The following ANK1 variants were observed in gnomAD, a reference collection of about 807,000 sequenced individuals.
ANK1 encodes ankyrin 1.
A neutral mutation model predicts 210.4 loss-of-function variants in ANK1; 51 were observed. The observed-to-expected ratio is 0.24, with a 90% CI of 0.19 to 0.31. The LOEUF is 0.31. ANK1 is among the 10% of genes least tolerant of loss of function. ANK1 has a pLI of 1.00. For missense variants in ANK1, 2,051 were observed against 2,504.4 expected, an observed-to-expected ratio of 0.82 and a Z score of 3.86; for synonymous variants, 967 against 1,025.9, an observed-to-expected ratio of 0.94 and a Z score of 1.10.
intron 2 of ANK1, among the ~76,000 whole-genome samples, chr8:41,756,132 ATTTATTTATTTAT>A (rs1031946748): frequency 1.2e-4 from 18 of 151,994 alleles, no homozygotes; most frequent in African/African-American, 3.9e-4. Context: ...CATTTTATTT[ATTTATTTATTTAT>A]TTTATTTATT....
At chr8:41,748,656 G>A (rs1348467117) in intron 2 of ANK1, among the ~76,000 whole-genome samples, 2 of 152,158 alleles carry the variant, frequency 1.3e-5, no homozygotes, top group Non-Finnish European at 2.9e-5. Flanking sequence ...ACTACCCTTA[G>A]ACAAGAAACG....
At chr8:41,772,633 C>T (rs1843162245) in intron 1 of ANK1, among the ~76,000 whole-genome samples, 1 of 152,240 alleles carries the variant, frequency 6.6e-6, no homozygotes, top group African/African-American at 2.4e-5. Context: ...CTTGGGCTTA[C>T]AATGCACCCT....
intron 2 of ANK1, among the ~76,000 whole-genome samples, chr8:41,739,385 CTAGA>C (rs1231487872): frequency 1.3e-5 from 2 of 152,138 alleles, no homozygotes; most frequent in East Asian, 3.9e-4. Context: ...ACTTTTCCCA[CTAGA>C]TACTTTAACA....
chr8:41,858,834 C>G (rs1230375046), intron 1 of ANK1, among the ~76,000 whole-genome samples: 1 of 152,192 alleles, frequency 6.6e-6, no homozygotes, highest in Non-Finnish European at 1.5e-5. Flanking sequence ...TGGCAGGGAG[C>G]TTAATAAATC....
At chr8:41,803,709 T>G (rs558246685) in intron 1 of ANK1, among the ~76,000 whole-genome samples, 1 of 152,046 alleles carries the variant, frequency 6.6e-6, no homozygotes, top group South Asian at 2.1e-4. Flanking sequence ...TGAATATCTT[T>G]TTATTAGTTA....
intron 1 of ANK1, among the ~76,000 whole-genome samples, chr8:41,781,696 C>T (rs1586906242): frequency 1.3e-5 from 2 of 152,196 alleles, no homozygotes; most frequent in South Asian, 4.1e-4. Context: ...ACAGATGGCT[C>T]CTCCCTGCCC....
intron 1 of ANK1, among the ~76,000 whole-genome samples, chr8:41,773,974 T>C (rs1843491451): frequency 6.6e-6 from 1 of 152,242 alleles, no homozygotes; most frequent in Non-Finnish European, 1.5e-5. Context: ...GCGAACAGAA[T>C]GTTTTATGTA....
At position 41,707,706 on chromosome 8, in the gene ANK1, C is replaced by A. The variant is rs565757772; in HGVS notation, c.1998+1072G>T. 7.2e-5 allele frequency among the ~76,000 whole-genome samples: 11 copies of A among 152,290 alleles called. No homozygotes were observed. The East Asian group carries it at 1.5e-3, about 21-fold the overall frequency. On this transcript the variant is annotated intron_variant, in intron 17 of 42. Coordinates refer to ENST00000289734, the MANE Select transcript of ANK1 (RefSeq NM_000037.4). ...CACATTAAGTGGGGCAGTGAAGGAA[C>A]CCAGAATGCCATGAGATATAATGAA...
chr8:41,851,594 T>C (rs1286697688), intron 1 of ANK1, among the ~76,000 whole-genome samples: 1 of 152,244 alleles, frequency 6.6e-6, no homozygotes, highest in Non-Finnish European at 1.5e-5. Flanking sequence ...CTCACACCTG[T>C]AATCCTAGTG....
chr8:41,723,792 ATTTTTTT>A (rs1201907717), intron 7 of ANK1, among the ~76,000 whole-genome samples, 159 bp from the exon 8 acceptor site: 47 of 140,124 alleles, frequency 3.4e-4, no homozygotes, highest in African/African-American at 9.2e-4. Flanking sequence ...TTTATTTTTT[ATTTTTTT>A]TTTTTTTTGA....
At chr8:41,710,461 T>C (rs1420688305) in intron 16 of ANK1, among the ~76,000 whole-genome samples, 1 of 152,218 alleles carries the variant, frequency 6.6e-6, no homozygotes, top group African/African-American at 2.4e-5. Flanking sequence ...CACAAATCCC[T>C]TGGGACCTTG....
intron 1 of ANK1, among the ~76,000 whole-genome samples, chr8:41,775,085 A>G (rs1356587860): frequency 6.6e-6 from 1 of 152,116 alleles, no homozygotes; most frequent in Admixed American, 6.5e-5. Flanking sequence ...GTTGCCAAAC[A>G]GGCTTAAGTA....
In ANK1 at chr8:41,695,246, C is replaced by A; in HGVS notation, c.3046G>T (p.Val1016Leu). Residue 1016 changes from valine to leucine, a missense_variant, in exon 27 of 43, where the codon GTG (valine) becomes TTG (leucine). Coordinates refer to ENST00000289734, the MANE Select transcript of ANK1 (RefSeq NM_000037.4). The part of the protein sequence containing the change: ...LVVLRSENGS[V>L]WKEHRSRYGE... ...TAGCGGCTCCTGTGCTCCTTCCACACGGAGCCGTTTTCGCTCCTCAGAACC... is the reference window on the plus strand; with the variant it reads ...TAGCGGCTCCTGTGCTCCTTCCACAAGGAGCCGTTTTCGCTCCTCAGAACC... 1 of 1,614,146 alleles carries A rather than the reference C, an allele frequency of 6.2e-7. No individual in the cohort carries two copies. Among genetic ancestry groups the A allele is most frequent in the Non-Finnish European group, 8.5e-7 (1 of 1,180,034 alleles).
intron 42 of ANK1, among the ~76,000 whole-genome samples, chr8:41,657,735 C>T (rs1440698862): frequency 6.6e-6 from 1 of 152,200 alleles, no homozygotes; most frequent in South Asian, 2.1e-4. Context: ...CCTTGGTAAA[C>T]TGAGACTCTA....
At chr8:41,837,028 C>G (rs1368470713) in intron 1 of ANK1, among the ~76,000 whole-genome samples, 1 of 152,114 alleles carries the variant, frequency 6.6e-6, no homozygotes, top group Non-Finnish European at 1.5e-5. Context: ...TGACGTCCCC[C>G]CAAGGGCAAT....
chr8:41,686,084 T>A, intron 36 of ANK1, 68 bp downstream of exon 36: 1 of 1,611,572 alleles, frequency 6.2e-7, no homozygotes, highest in Non-Finnish European at 8.5e-7. Flanking sequence ...TGAATGGAAT[T>A]TGAAGGAAGA....
intron 1 of ANK1, among the ~76,000 whole-genome samples, chr8:41,760,080 T>A (rs1471972280): frequency 1.3e-5 from 2 of 152,176 alleles, no homozygotes; most frequent in Non-Finnish European, 2.9e-5. Flanking sequence ...ACCCACCCCA[T>A]GCATCTCAGA....
intron 1 of ANK1, among the ~76,000 whole-genome samples, chr8:41,814,478 A>C (rs1803007011): frequency 6.6e-6 from 1 of 152,074 alleles, no homozygotes; most frequent in Non-Finnish European, 1.5e-5. Flanking sequence ...AGAATTCTGG[A>C]GATTACTATG....
intron 1 of ANK1, among the ~76,000 whole-genome samples, chr8:41,816,160 C>T (rs1803291686): frequency 6.6e-6 from 1 of 152,138 alleles, no homozygotes; most frequent in African/African-American, 2.4e-5. Flanking sequence ...TAAAGCTAGC[C>T]ATCATTTCAC....
Sources: gnomAD v4.1 joint callset for allele counts (sites outside exome capture counted in the v4.1 genomes callset) on GRCh38, gnomAD v4.1.1 for gene constraint, MANE v1.5 for transcripts, NCBI Gene and HGNC (gene_info 2026-07-23, HGNC 2026-07-21) for gene names.